The following AK3 variants were observed in gnomAD, a reference collection of about 807,000 sequenced individuals.
AK3 encodes the protein GTP:AMP phosphotransferase AK3, mitochondrial.
In AK3, 27 loss-of-function variants were observed where a neutral mutation model predicts 23.7. The observed-to-expected ratio is 1.14, with a 90% confidence interval of 0.84 to 1.57. The LOEUF is 1.57. Among genes scored for constraint, AK3 ranks in the 40% most tolerant of loss-of-function variants. The pLI is 0.00. For synonymous variants in AK3, 159 were observed against 116.0 expected (o/e 1.37, Z -2.38); for missense variants, 406 against 285.6 (o/e 1.42, Z -3.04).
At chr9:4,739,244 G>A (rs1297095871) in intron 1 of AK3, among the ~76,000 whole-genome samples, 5 of 151,732 alleles carry the variant, frequency 3.3e-5, no homozygotes, top group Admixed American at 2.0e-4. Flanking sequence ...AGGCTGGAGT[G>A]CAGCGTTGCA....
chr9:4,735,319 AT>A (rs1842251040), intron 1 of AK3, among the ~76,000 whole-genome samples: 2 of 112,312 alleles, frequency 1.8e-5, no homozygotes, highest in African/African-American at 6.7e-5. Flanking sequence ...ATAAATATAT[AT>A]ATACATATAT....
chr9:4,716,103 T>C (rs1202309913), intron 4 of AK3, among the ~76,000 whole-genome samples: 2 of 152,164 alleles, frequency 1.3e-5, no homozygotes, highest in Non-Finnish European at 2.9e-5. Flanking sequence ...TGATGATAGG[T>C]GTTTTTGAAC....
rs775899441 is a variant in AK3 at position 4,741,116 on chromosome 9, G to A, written c.-29C>T. On this transcript the variant is annotated 5_prime_UTR_variant, in exon 1 of 5. Coordinates refer to ENST00000381809, the MANE Select transcript of AK3 (RefSeq NM_016282.4). The stretch of plus-strand genomic sequence containing the variant: ...CGCAGACTGAGGCCCGCACCGCGCG[G>A]GTACCAGGGCTTTGGCCTGGCCTGC... The A allele has an allele frequency of 1.3e-6, 2 of 1,486,458 alleles. No individual in the cohort carries two copies. The highest frequency in any genetic ancestry group is 1.3e-5 in the South Asian group (1 of 76,844). The allele number at this position is 1,486,458 out of a possible 1,614,324, so 92.1% of individuals were successfully genotyped here.
intron 1 of AK3, among the ~76,000 whole-genome samples, chr9:4,740,689 G>C (rs1393417889): frequency 6.6e-6 from 1 of 152,054 alleles, no homozygotes; most frequent in Non-Finnish European, 1.5e-5. Flanking sequence ...TTTCATCTCT[G>C]AACTTCGAGC....
At chr9:4,736,009 G>A (rs1326129372) in intron 1 of AK3, among the ~76,000 whole-genome samples, 1 of 151,372 alleles carries the variant, frequency 6.6e-6, no homozygotes, top group Non-Finnish European at 1.5e-5. Flanking sequence ...CAGCTACTCA[G>A]GAGGCTGAGG....
chr9:4,734,609 T>C (rs530209841), intron 1 of AK3, among the ~76,000 whole-genome samples: 31 of 152,190 alleles, frequency 2.0e-4, no homozygotes, highest in Non-Finnish European at 3.2e-4. Flanking sequence ...CTTATTTTGT[T>C]AAAAAATACC....
chr9:4,729,015 A>ATATATATATATATATAT (rs71326127), intron 1 of AK3, among the ~76,000 whole-genome samples: 7 of 129,432 alleles, frequency 5.4e-5, no homozygotes, highest in East Asian at 4.8e-4. Context: ...ATATATATAT[A>ATATATATATATATATAT]TTTTTTTTTT....
intron 3 of AK3, 132 bp downstream of exon 3, chr9:4,719,003 T>C: frequency 3.9e-6 from 4 of 1,029,920 alleles, no homozygotes; most frequent in Non-Finnish European, 5.7e-6. Flanking sequence ...CAGTCAACTC[T>C]ACCAAGTAAC....
intron 4 of AK3, 133 bp downstream of exon 4, chr9:4,718,286 A>G (rs1166618185): frequency 2.9e-6 from 2 of 690,274 alleles, no homozygotes; most frequent in East Asian, 5.2e-5. Flanking sequence ...AAGCTAATGT[A>G]TTTCCTTTAT....
At chr9:4,724,440 T>G (rs1841975102) in intron 1 of AK3, among the ~76,000 whole-genome samples, 1 of 152,144 alleles carries the variant, frequency 6.6e-6, no homozygotes, top group African/African-American at 2.4e-5. Flanking sequence ...AGTATATGAA[T>G]AGCTGTAAGA....
intron 1 of AK3, among the ~76,000 whole-genome samples, chr9:4,726,037 T>C (rs947075756): frequency 2.0e-5 from 3 of 152,198 alleles, no homozygotes; most frequent in Non-Finnish European, 4.4e-5. Context: ...TACATTGTAG[T>C]CTATTAAGTG....
rs1841597013 is a variant in AK3, at chr9:4,712,821, C to A, written c.*155G>T. On this transcript the variant is annotated 3_prime_UTR_variant, in exon 5 of 5. Transcript: ENST00000381809. ...GCATCTTAGTATCCGAATCATTTGG[C>A]ACATCCTTAGTATCCAAAATAAAAT... The A allele has an allele frequency of 1.3e-6, 1 of 787,336 alleles. No homozygotes were observed. The highest frequency in any genetic ancestry group is 3.0e-5 in the Admixed American group (1 of 33,144). The allele number at this position is 787,336 out of a possible 1,614,324, so 48.8% of individuals were successfully genotyped here.
chr9:4,719,379 G>C, intron 2 of AK3, 72 bp from the exon 3 acceptor site: 1 of 1,054,062 alleles, frequency 9.5e-7, no homozygotes, highest in Non-Finnish European at 1.3e-6. Flanking sequence ...GGCGGGTGGA[G>C]AAAGAAGAAA....
rs368637076 is a variant in AK3 at position 4,718,181 on chromosome 9, A to G, written c.563+238T>C. 7.9e-5 allele frequency among the ~76,000 whole-genome samples: 12 copies of G among 152,370 alleles called. No homozygotes were observed. The East Asian group carries it at 1.7e-3, about 22-fold the overall frequency. Reference sequence around the variant, plus strand: ...TGCAGGAAGCCTAAGGACAAAGCCAATACACACACAGGAAGGCAAAACCAA... The same window carrying G: ...TGCAGGAAGCCTAAGGACAAAGCCAGTACACACACAGGAAGGCAAAACCAA... On this transcript the variant is annotated intron_variant, in intron 4 of 4. Coordinates refer to ENST00000381809, the MANE Select transcript of AK3 (RefSeq NM_016282.4).
chr9:4,735,467 T>TACATATATAA (rs1842267535), intron 1 of AK3, among the ~76,000 whole-genome samples: 1 of 39,050 alleles, frequency 2.6e-5, no homozygotes, highest in Non-Finnish European at 6.1e-5. Flanking sequence ...AGTATATGTG[T>TACATATATAA]ATATATATAT....
intron 4 of AK3, 83 bp from the exon 5 acceptor site, chr9:4,713,179 T>A: frequency 6.5e-7 from 1 of 1,536,002 alleles, no homozygotes; most frequent in Non-Finnish European, 8.8e-7. Flanking sequence ...CTGTAAATAA[T>A]GATATTGTAG....
At chr9:4,722,283 A>G (rs964140114) in intron 2 of AK3, among the ~76,000 whole-genome samples, 2 of 152,202 alleles carry the variant, frequency 1.3e-5, no homozygotes, top group African/African-American at 4.8e-5. Context: ...GAAAGGAACT[A>G]AAGTTACATC....
rs1841550093 is a variant in AK3, at chr9:4,711,121, G to A, written c.*1855C>T. The A allele has an allele frequency of 6.6e-6, 1 of 152,174 alleles. No individual in the cohort carries two copies. Among genetic ancestry groups the A allele is most frequent in the African/African-American group, 2.4e-5 (1 of 41,414 alleles). The allele number at this position is 152,174 out of a possible 1,614,324, so 9.4% of individuals were successfully genotyped here. A position where few individuals can be genotyped will look rare whatever the true frequency, so the allele number is the denominator to read the frequency against. ...AAGGCCGGTATGGCTACCATAGCAG[G>A]AGATGAAGTATTGCATAAACTGAAA... On this transcript the variant is annotated 3_prime_UTR_variant, in exon 5 of 5. Coordinates refer to ENST00000381809, the MANE Select transcript of AK3 (RefSeq NM_016282.4).
In AK3 at chr9:4,719,176, C is replaced by A. The variant is rs1337219595; in HGVS notation, c.403G>T (p.Gly135Cys). 1 of 1,611,862 alleles carries A rather than the reference C, an allele frequency of 6.2e-7. No individual in the cohort carries two copies. Among genetic ancestry groups the A allele is most frequent in the Admixed American group, 1.7e-5 (1 of 59,988 alleles). Residue 135 changes from glycine to cysteine, a missense_variant, in exon 3 of 5, where the codon GGC becomes TGC. Transcript: ENST00000381809. ...LTARWIHPAS[G>C]RVYNIEFNPP... is the part of the protein sequence containing the mutation. Reference sequence around the variant, plus strand: ...TTGAATTCAATGTTATAGACTCGGCCACTGGCGGGATGAATCCAGCGAGCA... The same window carrying A: ...TTGAATTCAATGTTATAGACTCGGCAACTGGCGGGATGAATCCAGCGAGCA...
Sources: gnomAD v4.1 joint callset for allele counts (sites outside exome capture counted in the v4.1 genomes callset) on GRCh38, gnomAD v4.1.1 for gene constraint, MANE v1.5 for transcripts, NCBI Gene and HGNC (gene_info 2026-07-23, HGNC 2026-07-21) for gene names.